The following TAS1R1 variants were observed in gnomAD, a reference collection of about 807,000 sequenced individuals.
TAS1R1 encodes the protein taste 1 receptor member 1.
Under a neutral mutation model 45.8 loss-of-function variants are expected in TAS1R1, and 31 were observed. The ratio of observed to expected loss-of-function variants is 0.68; its 90% CI spans 0.51 to 0.91. The LOEUF is 0.91. TAS1R1 is among the 40% of genes least tolerant of loss of function. TAS1R1 has a pLI of 0.00. For missense variants in TAS1R1, 1,051 were observed against 1,063.9 expected (o/e 0.99, Z 0.17); for synonymous variants, 437 against 448.4 (o/e 0.97, Z 0.32).
chr1:6,576,908 T>G, intron 4 of TAS1R1, 42 bp from the exon 5 acceptor site: 1 of 1,614,014 alleles, frequency 6.2e-7, no homozygotes, highest in Middle Eastern at 1.6e-4. Flanking sequence ...GAGCTGTCCT[T>G]TGACTTGGGC....
In TAS1R1 at chr1:6,575,242, C is replaced by T. The variant is rs1259816680; in HGVS notation, c.1110C>T (p.Phe370=). The T allele has an allele frequency of 6.2e-7, 1 of 1,613,474 alleles. No individual in the cohort carries two copies. The highest frequency in any genetic ancestry group is 8.5e-7 in the Non-Finnish European group (1 of 1,180,026). Residue 370 remains phenylalanine, a synonymous_variant, in exon 3 of 6, where the codon TTC becomes TTT. Transcript: ENST00000333172. ...AGCTCTGCAGAGAATGCCAAGCTTT[C>T]ATGGCACACACGATGCCCAAGCTCA... ...SNQLCRECQA[F]MAHTMPKLKA...
At position 6,576,632 on chromosome 1, in the gene TAS1R1, T is replaced by C. The variant is rs1448645203; in HGVS notation, c.1473+5T>C. Reference sequence around the variant, plus strand: ...TGGCACGGAAAGGACAACCAGGTAATGGGGATGTGGCTACTCACCATGTAA... The same window carrying C: ...TGGCACGGAAAGGACAACCAGGTAACGGGGATGTGGCTACTCACCATGTAA... On this transcript the variant is annotated splice_donor_5th_base_variant and intron_variant, in intron 4 of 5. Transcript: ENST00000333172. 6.2e-7 allele frequency: 1 copy of C among 1,612,066 alleles called. No individual in the cohort carries two copies. The highest frequency in any genetic ancestry group is 1.1e-5 in the South Asian group (1 of 91,042).
At chr1:6,576,279 A>C in intron 3 of TAS1R1, 136 bp from the exon 4 acceptor site, 1 of 773,776 alleles carries the variant, frequency 1.3e-6, no homozygotes, top group Non-Finnish European at 2.1e-6. Context: ...GGGGCTTCCT[A>C]AGAAGGAAGG....
In TAS1R1 at chr1:6,561,432, C is replaced by T. The variant is rs117819795; in HGVS notation, c.191+5868C>T. 6.3e-4 allele frequency among the ~76,000 whole-genome samples: 96 copies of T among 152,244 alleles called. No individual in the cohort carries two copies. In the East Asian group the frequency reaches 0.018, roughly 29 times the overall value. ...CTACTGCTAAAGAGTCTATCTGGGG[C>T]CGGGCACGGTAGCTCATGCCTGTGA... is the stretch of plus-strand genomic sequence containing the variant. On this transcript the variant is annotated intron_variant, in intron 1 of 5. Coordinates refer to ENST00000333172, the MANE Select transcript of TAS1R1 (RefSeq NM_138697.4).
intron 1 of TAS1R1, among the ~76,000 whole-genome samples, chr1:6,570,143 C>T (rs976715313): frequency 6.6e-6 from 1 of 151,608 alleles, no homozygotes; most frequent in Non-Finnish European, 1.5e-5. Context: ...ACGAGTAGAC[C>T]CAAAGTCAGG....
chr1:6,561,088 G>A (rs571332121), intron 1 of TAS1R1, among the ~76,000 whole-genome samples: 2 of 152,246 alleles, frequency 1.3e-5, no homozygotes, highest in African/African-American at 2.4e-5. Flanking sequence ...TGTCCCATGG[G>A]TGAAGGCTCT....
chr1:6,571,016 A>G lies in TAS1R1; in HGVS notation c.299A>G (p.Tyr100Cys), dbSNP rs1639998421. The change falls in exon 2 of 6, where the codon TAC becomes TGC. Residue 100 changes from tyrosine (Y) to cysteine (C), a missense_variant. By Grantham distance (194) the Tyr-to-Cys change is radical. Coordinates refer to ENST00000333172, the MANE Select transcript of TAS1R1 (RefSeq NM_138697.4). ...CTGCTGCCCAACATCACCCTGGGGT[A>G]CCAGCTGTATGATGTGTGTTCTGAC... The part of the protein sequence containing the change: ...TALLPNITLG[Y>C]QLYDVCSDSA... 6.2e-7 allele frequency: 1 copy of G among 1,613,852 alleles called. No individual in the cohort carries two copies. The highest frequency in any genetic ancestry group is 1.7e-5 in the Admixed American group (1 of 59,992).
At chr1:6,571,458 G>A (rs1008829439) in intron 2 of TAS1R1, among the ~76,000 whole-genome samples, 64 of 152,178 alleles carry the variant, frequency 4.2e-4, no homozygotes, top group Middle Eastern at 3.4e-3. Flanking sequence ...TTCTCCTTGG[G>A]AACTACTGCC....
chr1:6,573,809 C>T (rs985167886), intron 2 of TAS1R1, among the ~76,000 whole-genome samples: 12 of 151,810 alleles, frequency 7.9e-5, no homozygotes, highest in Non-Finnish European at 1.5e-4. Context: ...ACTACAGGCG[C>T]GCGCCACCAT....
At position 6,574,687 on chromosome 1, in the gene TAS1R1, C is replaced by A; in HGVS notation, c.555C>A (p.Phe185Leu). The A allele has an allele frequency of 6.2e-7, 1 of 1,614,118 alleles. No individual in the cohort carries two copies. The highest frequency in any genetic ancestry group is 2.2e-5 in the East Asian group (1 of 44,884). ...TLSVKRQYPS[F>L]LRTIPNDKYQ... ...GCGTGAAGCGGCAGTATCCCTCTTT[C>A]CTGCGCACCATCCCCAATGACAAGT... The change falls in exon 3 of 6, where the codon TTC becomes TTA. Residue 185 changes from phenylalanine (F) to leucine (L), a missense_variant. Coordinates refer to ENST00000333172, the MANE Select transcript of TAS1R1 (RefSeq NM_138697.4). The surrounding 1 kb of genome is among the most constrained non-coding windows in gnomAD (Gnocchi z 4.3).
intron 2 of TAS1R1, among the ~76,000 whole-genome samples, chr1:6,573,818 A>G (rs1640084778): frequency 6.6e-6 from 1 of 151,700 alleles, no homozygotes; most frequent in African/African-American, 2.4e-5. Flanking sequence ...GCGCGCCACC[A>G]TGCCCGGCTA....
chr1:6,571,189 C>G lies in TAS1R1; in HGVS notation c.472C>G (p.Leu158Val), dbSNP rs1640006073. The G allele has an allele frequency of 6.3e-7, 1 of 1,579,930 alleles. No individual in the cohort carries two copies. Among genetic ancestry groups the G allele is most frequent in the Non-Finnish European group, 8.6e-7 (1 of 1,162,240 alleles). The change falls in exon 2 of 6, where the codon CTG becomes GTG. Residue 158 changes from leucine (L) to valine (V), a missense_variant. Transcript: ENST00000333172. Reference sequence around the variant, plus strand: ...CAACCGTGCTGCCACCACAGCCGCCCTGCTGAGCCCTTTCCTGGTGCCCAT... The same window carrying G: ...CAACCGTGCTGCCACCACAGCCGCCGTGCTGAGCCCTTTCCTGGTGCCCAT... ...STNRAATTAALLSPFLVPMIS... is the reference protein window; with the variant it reads ...STNRAATTAAVLSPFLVPMIS...
chr1:6,556,284 C>T (rs1305938023), intron 1 of TAS1R1, among the ~76,000 whole-genome samples: 3 of 152,182 alleles, frequency 2.0e-5, no homozygotes, highest in East Asian at 1.9e-4. Context: ...AGGGAAGACA[C>T]ATCCCATTAG....
chr1:6,563,977 C>T (rs1286260663), intron 1 of TAS1R1, among the ~76,000 whole-genome samples: 1 of 151,978 alleles, frequency 6.6e-6, no homozygotes, highest in East Asian at 1.9e-4. Flanking sequence ...CAGGAATGTA[C>T]TTGGGATTGT....
chr1:6,568,304 A>C (rs1639916325), intron 1 of TAS1R1, among the ~76,000 whole-genome samples: 1 of 151,906 alleles, frequency 6.6e-6, no homozygotes, highest in Admixed American at 6.6e-5. Context: ...ATACAAAAAA[A>C]ATTAGCCGGG....
At chr1:6,558,646 G>C (rs973226135) in intron 1 of TAS1R1, among the ~76,000 whole-genome samples, 1 of 151,828 alleles carries the variant, frequency 6.6e-6, no homozygotes, top group African/African-American at 2.4e-5. Context: ...CTTGAACCGG[G>C]GTGGCAGAGG....
chr1:6,563,536 G>A (rs533032923), intron 1 of TAS1R1, among the ~76,000 whole-genome samples: 2 of 152,310 alleles, frequency 1.3e-5, no homozygotes, highest in African/African-American at 4.8e-5. Context: ...TAACGGGGGT[G>A]ACAGTTTAAC....
chr1:6,575,001 C>A lies in TAS1R1; in HGVS notation c.869C>A (p.Thr290Asn). 1 of 1,593,394 alleles carries A rather than the reference C, an allele frequency of 6.3e-7. No individual in the cohort carries two copies. Among genetic ancestry groups the A allele is most frequent in the Admixed American group, 1.7e-5 (1 of 58,794 alleles). ...GTGTTTTTCGAGTCCGTGGTGCTGA[C>A]CAACCTGACTGGCAAGGTGTGGGTC... Reference protein sequence around the residue: ...ARVFFESVVLTNLTGKVWVAS... With the variant: ...ARVFFESVVLNNLTGKVWVAS... Residue 290 changes from threonine (T) to asparagine (N), a missense_variant, in exon 3 of 6, where the codon ACC becomes AAC. Coordinates refer to ENST00000333172, the MANE Select transcript of TAS1R1 (RefSeq NM_138697.4).
At chr1:6,575,903 C>T (rs1256806643) in intron 3 of TAS1R1, among the ~76,000 whole-genome samples, 1 of 152,022 alleles carries the variant, frequency 6.6e-6, no homozygotes, top group Non-Finnish European at 1.5e-5. Context: ...ACCATGTTAG[C>T]CAGGATGGTC....
Sources: gnomAD v4.1 joint callset for allele counts (sites outside exome capture counted in the v4.1 genomes callset) on GRCh38, gnomAD v4.1.1 for gene constraint, Gnocchi (gnomAD v3.1) non-coding constraint, MANE v1.5 for transcripts, NCBI Gene and HGNC (gene_info 2026-07-23, HGNC 2026-07-21) for gene names.